The following MAGI3 variants were observed in gnomAD, a reference collection of about 807,000 sequenced individuals.
MAGI3 encodes membrane-associated guanylate kinase, WW and PDZ domain-containing protein 3.
In MAGI3, 43 loss-of-function variants were observed where a neutral mutation model predicts 121.8. The observed-to-expected ratio is 0.35, with a 90% CI of 0.28 to 0.46. The LOEUF (loss-of-function observed/expected upper bound fraction) is 0.46. Ranked by LOEUF, MAGI3 falls within the 20% of genes least tolerant of loss-of-function variation. The pLI, the probability that MAGI3 is intolerant of heterozygous loss-of-function variation, is 1.00. For missense variants in MAGI3, 1,547 were observed against 1,797.3 expected, an observed-to-expected ratio of 0.86 and a Z score of 2.52; for synonymous variants, 553 against 639.3, an observed-to-expected ratio of 0.86 and a Z score of 2.04.
Position 113,684,316 on chromosome 1 carries a change from T to TAAC in MAGI3, c.*305_*307dup, listed in dbSNP as rs1184340364. On this transcript the variant is annotated 3_prime_UTR_variant, in exon 21 of 21. Transcript: ENST00000307546. ...CTGAACAAATGACATATGTTGATAT[T>TAAC]AACAATGTGGTCACAACTCACTTTG... 3.8e-5 allele frequency: 8 copies of TAAC among 212,034 alleles called. No individual in the cohort carries two copies. The South Asian group carries it at 8.0e-4, about 21-fold the overall frequency. 13.1% of individuals were successfully genotyped at this position (212,034 alleles called of 1,614,324 possible). A position where few individuals can be genotyped will look rare whatever the true frequency, so the allele number is the denominator to read the frequency against.
At chr1:113,505,987 A>T (rs1251221239) in intron 1 of MAGI3, among the ~76,000 whole-genome samples, 1 of 152,158 alleles carries the variant, frequency 6.6e-6, no homozygotes, top group Non-Finnish European at 1.5e-5. Flanking sequence ...AGATTATGAC[A>T]TTGGAGGCTG....
rs560157688 is a variant in MAGI3 at position 113,509,720 on chromosome 1, A to C, written c.317-39795A>C. On this transcript the variant is annotated intron_variant, in intron 1 of 20. Transcript: ENST00000307546. ...TTCGTACAAAAATCAAATAATGGCCAACGAGTCACAACAGTGCAATAGGTA... is the reference window on the plus strand; with the variant it reads ...TTCGTACAAAAATCAAATAATGGCCCACGAGTCACAACAGTGCAATAGGTA... Among the ~76,000 whole-genome samples, 4 of 125,872 alleles carry C rather than the reference A, an allele frequency of 3.2e-5. No homozygotes were observed. In the South Asian group the frequency reaches 1.2e-3, roughly 37 times the overall value. 82.6% of individuals were successfully genotyped at this position (125,872 alleles called of 152,430 possible). A position where few individuals can be genotyped will look rare whatever the true frequency, so the allele number is the denominator to read the frequency against.
Position 113,653,850 on chromosome 1 carries a change from A to G in MAGI3, c.2461A>G (p.Ser821Gly). The G allele has an allele frequency of 3.1e-6, 5 of 1,603,270 alleles. No individual in the cohort carries two copies. The highest frequency in any genetic ancestry group is 4.3e-6 in the Non-Finnish European group (5 of 1,176,366). Residue 821 changes from serine to glycine, a missense_variant, in exon 15 of 21, where the codon AGC becomes GGC. By Grantham distance (56) the Ser-to-Gly change is moderately conservative (BLOSUM62 0). Coordinates refer to ENST00000307546, the MANE Select transcript of MAGI3 (RefSeq NM_001142782.2). The stretch of plus-strand genomic sequence containing the variant: ...TACAGAAAAACAACCCGAGGACGAC[A>G]GCTCTCAGGCCTTCATTTCAACACA... ...FYGEKQPEDD[S>G]SQAFISTQNG...
At chr1:113,530,603 A>G (rs199832018) in intron 1 of MAGI3, among the ~76,000 whole-genome samples, 2 of 106,168 alleles carry the variant, frequency 1.9e-5, no homozygotes, top group African/African-American at 5.6e-5. Context: ...AATAAAAGTT[A>G]AAAAAAAAAA....
intron 1 of MAGI3, among the ~76,000 whole-genome samples, chr1:113,489,063 C>T (rs1309792690): frequency 1.3e-5 from 2 of 152,170 alleles, no homozygotes; most frequent in East Asian, 1.9e-4. Context: ...ACCACTGCTG[C>T]TGGCACATGC....
At chr1:113,427,290 C>T (rs1172653887) in intron 1 of MAGI3, among the ~76,000 whole-genome samples, 3 of 152,212 alleles carry the variant, frequency 2.0e-5, no homozygotes, top group Non-Finnish European at 4.4e-5. Context: ...TCAGGAGAGA[C>T]GCTTTTGAAG....
intron 1 of MAGI3, among the ~76,000 whole-genome samples, chr1:113,512,443 T>A (rs1440079794): frequency 2.6e-5 from 4 of 152,192 alleles, no homozygotes; most frequent in Non-Finnish European, 4.4e-5. Context: ...CATCTACAGA[T>A]CTTTGTGTTC....
At chr1:113,497,518 G>A (rs1244510099) in intron 1 of MAGI3, among the ~76,000 whole-genome samples, 2 of 36,436 alleles carry the variant, frequency 5.5e-5, no homozygotes, top group Non-Finnish European at 1.1e-4. Flanking sequence ...CTTAAGAAAC[G>A]GCGCACCACG....
chr1:113,522,846 A>G (rs1470951959), intron 1 of MAGI3, among the ~76,000 whole-genome samples: 4 of 152,204 alleles, frequency 2.6e-5, no homozygotes, highest in Admixed American at 6.5e-5. Context: ...TTCAGCACAT[A>G]TCTACTAAGA....
intron 1 of MAGI3, among the ~76,000 whole-genome samples, chr1:113,443,686 C>T (rs1281187941): frequency 6.6e-6 from 1 of 152,102 alleles, no homozygotes; most frequent in African/African-American, 2.4e-5. Context: ...TTTAAAGTCC[C>T]TTTTAACCTA....
chr1:113,550,653 G>A (rs1157440644), intron 2 of MAGI3, among the ~76,000 whole-genome samples: 1 of 151,338 alleles, frequency 6.6e-6, no homozygotes, highest in Non-Finnish European at 1.5e-5. Flanking sequence ...CTACTTGGGA[G>A]GCTGAGGCAG....
chr1:113,650,933 C>A, intron 13 of MAGI3, 81 bp from the exon 14 acceptor site: 1 of 1,293,416 alleles, frequency 7.7e-7, no homozygotes, highest in Non-Finnish European at 1.1e-6. Flanking sequence ...TGTTGGTTTG[C>A]ACAATGCTAA....
At chr1:113,602,521 C>CA (rs1351353306) in intron 6 of MAGI3, among the ~76,000 whole-genome samples, 1 of 152,120 alleles carries the variant, frequency 6.6e-6, no homozygotes, top group East Asian at 1.9e-4. Context: ...TGAAAGATCA[C>CA]AAATTGACAA....
chr1:113,487,467 T>C (rs1219466966), intron 1 of MAGI3, among the ~76,000 whole-genome samples: 1 of 152,180 alleles, frequency 6.6e-6, no homozygotes, highest in Non-Finnish European at 1.5e-5. Context: ...CAGATCTTGG[T>C]GATAACCTTG....
rs374500561 is a variant in MAGI3, at chr1:113,450,937, GT to G, written c.316+59591del. Among the ~76,000 whole-genome samples, 20 of 152,278 alleles carry G rather than the reference GT, an allele frequency of 1.3e-4. No individual in the cohort carries two copies. The East Asian group carries it at 3.5e-3, about 26-fold the overall frequency. On this transcript the variant is annotated intron_variant, in intron 1 of 20. Coordinates refer to ENST00000307546, the MANE Select transcript of MAGI3 (RefSeq NM_001142782.2). ...CTTGTTCAGGACTGTCATAGCCACA[GT>G]TTGCAAAAAGTGCAGTTATTGATTA...
chr1:113,606,853 C>T (rs1649805921), intron 6 of MAGI3, among the ~76,000 whole-genome samples: 2 of 151,888 alleles, frequency 1.3e-5, no homozygotes, highest in African/African-American at 4.8e-5. Context: ...CTCTTTTTGC[C>T]AATATATTAT....
intron 1 of MAGI3, among the ~76,000 whole-genome samples, chr1:113,436,444 C>T (rs930635841): frequency 2.0e-5 from 3 of 152,060 alleles, no homozygotes; most frequent in Middle Eastern, 3.4e-3. Context: ...TATTTACATG[C>T]CTAAGTGAAT....
chr1:113,512,236 G>A (rs1450710487), intron 1 of MAGI3, among the ~76,000 whole-genome samples: 1 of 152,264 alleles, frequency 6.6e-6, no homozygotes, highest in East Asian at 1.9e-4. Context: ...TAAAATCAAA[G>A]TCATACAAAG....
chr1:113,490,523 A>G (rs1656618543), intron 1 of MAGI3, among the ~76,000 whole-genome samples: 1 of 152,220 alleles, frequency 6.6e-6, no homozygotes, highest in Non-Finnish European at 1.5e-5. Flanking sequence ...ATCCAAACAT[A>G]CTAATACTAA....
Sources: allele counts gnomAD v4.1 joint callset (sites outside exome capture counted in the v4.1 genomes callset), GRCh38; gene constraint gnomAD v4.1.1; transcripts MANE v1.5; gene names NCBI Gene and HGNC (gene_info 2026-07-23, HGNC 2026-07-21).